The following PLA2G4C variants were observed in gnomAD, a reference collection of about 807,000 sequenced individuals.
PLA2G4C encodes the protein cytosolic phospholipase A2 gamma.
A neutral mutation model predicts 73.8 loss-of-function variants in PLA2G4C; 64 were observed. The observed-to-expected ratio is 0.87, with a 90% CI of 0.71 to 1.07. The LOEUF (loss-of-function observed/expected upper bound fraction) is 1.07, where lower values mean the gene tolerates loss of function less well. PLA2G4C is among the 50% of genes least tolerant of loss of function. PLA2G4C has a pLI of 0.00. For synonymous variants in PLA2G4C, 254 were observed against 252.1 expected, an observed-to-expected ratio of 1.01 and a Z score of -0.07; for missense variants, 622 against 665.4, an observed-to-expected ratio of 0.93 and a Z score of 0.72.
chr19:48,088,793 G>A, intron 8 of PLA2G4C, 81 bp from the exon 9 acceptor site: 3 of 1,050,146 alleles, frequency 2.9e-6, no homozygotes, highest in Non-Finnish European at 4.5e-6. Flanking sequence ...CAGATGACCT[G>A]CAGGGATATT....
rs142839549 is a variant in PLA2G4C, at chr19:48,062,326, C to G, written c.1103-174G>C. 6 of 558,122 alleles carry G rather than the reference C, an allele frequency of 1.1e-5. No individual in the cohort carries two copies. The African/African-American group carries it at 1.2e-4, about 11-fold the overall frequency. 34.6% of individuals were successfully genotyped at this position (558,122 alleles called of 1,614,324 possible). ...TCTTCCCAGATTCATATGTTGAAGC[C>G]CTGGCTGGGTGCGGTGCCTCACACC... On this transcript the variant is annotated intron_variant, in intron 13 of 16. Coordinates refer to ENST00000599921, the MANE Select transcript of PLA2G4C (RefSeq NM_003706.3).
chr19:48,084,742 T>G (rs1433431292), intron 10 of PLA2G4C, among the ~76,000 whole-genome samples: 1 of 152,226 alleles, frequency 6.6e-6, no homozygotes, highest in African/African-American at 2.4e-5. Flanking sequence ...TTAATCCTCA[T>G]AACTACTATT....
At chr19:48,067,279 T>C (rs960527750) in intron 13 of PLA2G4C, among the ~76,000 whole-genome samples, 1 of 151,636 alleles carries the variant, frequency 6.6e-6, no homozygotes, top group South Asian at 2.1e-4. Context: ...ACGATTCTCC[T>C]GCCTCAGCCT....
At chr19:48,060,373 T>A (rs1968125378) in intron 14 of PLA2G4C, among the ~76,000 whole-genome samples, 1 of 152,184 alleles carries the variant, frequency 6.6e-6, no homozygotes, top group African/African-American at 2.4e-5. Flanking sequence ...AAGTGCCACA[T>A]GTGGCCGGCA....
At chr19:48,102,123 G>A (rs1185484921) in intron 4 of PLA2G4C, among the ~76,000 whole-genome samples, 2 of 152,028 alleles carry the variant, frequency 1.3e-5, no homozygotes, top group Non-Finnish European at 2.9e-5. Flanking sequence ...AAATGCTAAT[G>A]TTTTGGATAT....
chr19:48,110,531 T>TGCTCTGGAATCCGGTGCGGAGGCTTGG lies in PLA2G4C; in HGVS notation c.-78_-77insCCAAGCCTCCGCACCGGATTCCAGAGC. The TGCTCTGGAATCCGGTGCGGAGGCTTGG allele has an allele frequency of 1.4e-6, 2 of 1,386,156 alleles. No homozygotes were observed. The highest frequency in any genetic ancestry group is 1.8e-5 in the African/African-American group (1 of 55,332). The allele number at this position is 1,386,156 out of a possible 1,614,324, so 85.9% of individuals were successfully genotyped here. On this transcript the variant is annotated 5_prime_UTR_variant, in exon 1 of 17. Transcript: ENST00000599921. ...GTGTGCGCATGCGCGGTGGAGCTTG[T>TGCTCTGGAATCCGGTGCGGAGGCTTGG]GCTCCGGAATCCGGTGCGGAGGCTT...
rs574653940 is a variant in PLA2G4C at position 48,082,623 on chromosome 19, C to T, written c.844+2436G>A. On this transcript the variant is annotated intron_variant, in intron 10 of 16. Coordinates refer to ENST00000599921, the MANE Select transcript of PLA2G4C (RefSeq NM_003706.3). ...GAGCAATTCCCCTGCTTCAGCCTCC[C>T]GAGTAGCTGGGGTTACAGGCGCCCG... Among the ~76,000 whole-genome samples, 204 of 151,118 alleles carry T rather than the reference C, an allele frequency of 1.3e-3. 1 individual carries two copies. The highest frequency in any genetic ancestry group is 4.8e-3 in the African/African-American group (196 of 41,216).
At chr19:48,087,477 A>C (rs1285175953) in intron 9 of PLA2G4C, among the ~76,000 whole-genome samples, 1 of 152,208 alleles carries the variant, frequency 6.6e-6, no homozygotes, top group Non-Finnish European at 1.5e-5. Flanking sequence ...ACAGATTCAC[A>C]GTTCCTCTCT....
At chr19:48,073,405 G>A (rs1239844220) in intron 12 of PLA2G4C, among the ~76,000 whole-genome samples, 1 of 152,012 alleles carries the variant, frequency 6.6e-6, no homozygotes, top group African/African-American at 2.4e-5. Context: ...TGGCTTACCT[G>A]TCTATTCTCC....
chr19:48,082,815 C>CTTTCT (rs2030680544), intron 10 of PLA2G4C, among the ~76,000 whole-genome samples: 1 of 120,506 alleles, frequency 8.3e-6, no homozygotes, highest in East Asian at 2.5e-4. Context: ...TTCTTTCTTT[C>CTTTCT]TTTTTTTTTT....
Position 48,048,106 on chromosome 19 carries a change from C to T in PLA2G4C, c.*237G>A, listed in dbSNP as rs1967589723. On this transcript the variant is annotated 3_prime_UTR_variant, in exon 17 of 17. Transcript: ENST00000599921. The stretch of plus-strand genomic sequence containing the variant: ...ACTCATGCTCCAGCTCCAGGATCTC[C>T]CGAGGGACCTGCAGGACAAATTTCA... 2 of 521,014 alleles carry T rather than the reference C, an allele frequency of 3.8e-6. No homozygotes were observed. The highest frequency in any genetic ancestry group is 5.4e-5 in the South Asian group (2 of 36,714). 32.3% of individuals were successfully genotyped at this position (521,014 alleles called of 1,614,324 possible).
At chr19:48,106,739 C>CATTAAA (rs1157737011) in intron 1 of PLA2G4C, 178 bp from the exon 2 acceptor site, 3 of 565,638 alleles carry the variant, frequency 5.3e-6, no homozygotes, top group Non-Finnish European at 9.5e-6. Context: ...TCAGGGGCGG[C>CATTAAA]CAAGCGAGGA....
intron 1 of PLA2G4C, among the ~76,000 whole-genome samples, chr19:48,108,586 G>A (rs1241086150): frequency 6.6e-6 from 1 of 152,176 alleles, no homozygotes; most frequent in East Asian, 1.9e-4. Context: ...ACCCACGACT[G>A]TTCTTTAGCA....
intron 13 of PLA2G4C, among the ~76,000 whole-genome samples, chr19:48,065,325 C>T (rs545045384): frequency 2.1e-3 from 318 of 151,900 alleles, no homozygotes; most frequent in Non-Finnish European, 3.6e-3. Flanking sequence ...TTCTGATTGA[C>T]GGTTGGGCAC....
chr19:48,062,901 G>A (rs375412519), intron 13 of PLA2G4C, among the ~76,000 whole-genome samples: 5 of 152,252 alleles, frequency 3.3e-5, no homozygotes, highest in African/African-American at 1.2e-4. Context: ...TGCCCAAGGC[G>A]GTTGGGGCAC....
At chr19:48,076,724 C>A (rs924640246) in intron 11 of PLA2G4C, among the ~76,000 whole-genome samples, 1 of 147,700 alleles carries the variant, frequency 6.8e-6, no homozygotes, top group African/African-American at 2.5e-5. Context: ...GCCTGGGTGA[C>A]ACGGCTAGAC....
chr19:48,088,295 T>C lies in PLA2G4C; in HGVS notation c.790+391A>G, dbSNP rs542299888. 2.7e-4 allele frequency among the ~76,000 whole-genome samples: 41 copies of C among 151,564 alleles called. No homozygotes were observed. In the South Asian group the frequency reaches 4.8e-3, roughly 18 times the overall value. ...TATATCCAAGGAACTCTTACAATCT[T>C]CACCCCTGAAAGCACCAAGGACCAA... On this transcript the variant is annotated intron_variant, in intron 9 of 16. Transcript: ENST00000599921.
At chr19:48,067,930 G>A in intron 12 of PLA2G4C, 44 bp from the exon 13 acceptor site, 7 of 1,365,052 alleles carry the variant, frequency 5.1e-6, no homozygotes, top group Non-Finnish European at 7.3e-6. Flanking sequence ...TCAGGAGACT[G>A]AGTGGTTTCT....
intron 4 of PLA2G4C, among the ~76,000 whole-genome samples, chr19:48,100,296 T>C (rs1406130575): frequency 1.3e-5 from 2 of 151,940 alleles, no homozygotes; most frequent in Non-Finnish European, 2.9e-5. Flanking sequence ...GCGGGAGGAT[T>C]GCCTGAGGTC....
Sources: gnomAD v4.1 joint callset for allele counts (sites outside exome capture counted in the v4.1 genomes callset) on GRCh38, gnomAD v4.1.1 for gene constraint, MANE v1.5 for transcripts, NCBI Gene and HGNC (gene_info 2026-07-23, HGNC 2026-07-21) for gene names.